The following CNTN5 variants were observed in gnomAD, a reference collection of about 807,000 sequenced individuals.
The protein encoded by CNTN5 is contactin 5.
CNTN5 carries 77 observed loss-of-function variants against 129.1 expected under a neutral mutation model. That is an observed-to-expected ratio of 0.60 (90% CI 0.50 to 0.72). CNTN5 has a LOEUF of 0.72. Among genes scored for constraint, CNTN5 ranks in the 30% least tolerant of loss-of-function variants. The probability of loss-of-function intolerance (pLI) is 0.00; values close to 1 mark genes in which losing one functional copy is unlikely to be tolerated. For synonymous variants in CNTN5, 509 were observed against 465.6 expected (o/e 1.09, Z -1.20); for missense variants, 1,478 against 1,328.8 (o/e 1.11, Z -1.75).
At chr11:99,558,022 G>T (rs1288805703) in intron 3 of CNTN5, among the ~76,000 whole-genome samples, 1 of 151,740 alleles carries the variant, frequency 6.6e-6, no homozygotes, top group Non-Finnish European at 1.5e-5. Context: ...GGTTTAATAA[G>T]AGACATGCAA....
chr11:100,278,849 A>G (rs1230741937), intron 18 of CNTN5, among the ~76,000 whole-genome samples: 1 of 151,878 alleles, frequency 6.6e-6, no homozygotes, highest in African/African-American at 2.4e-5. Context: ...ATGCTGAAAA[A>G]TAGTGGTGAA....
intron 3 of CNTN5, among the ~76,000 whole-genome samples, chr11:99,658,735 A>G (rs937853371): frequency 1.2e-4 from 17 of 145,312 alleles, no homozygotes; most frequent in African/African-American, 4.2e-4. Context: ...ATATATATAT[A>G]AAATTAGCCA....
intron 1 of CNTN5, among the ~76,000 whole-genome samples, chr11:99,266,541 G>C (rs539543551): frequency 1.3e-5 from 2 of 152,052 alleles, no homozygotes; most frequent in Non-Finnish European, 2.9e-5. Context: ...GTTTGAGGCT[G>C]TAGTGAGTAA....
At chr11:99,384,012 G>A (rs1017689302) in intron 2 of CNTN5, among the ~76,000 whole-genome samples, 6 of 152,144 alleles carry the variant, frequency 3.9e-5, no homozygotes, top group South Asian at 2.1e-4. Flanking sequence ...CAAGTTCCAC[G>A]GGTGATAAAA....
intron 1 of CNTN5, among the ~76,000 whole-genome samples, chr11:99,314,138 G>A (rs1865234941): frequency 1.3e-5 from 2 of 151,914 alleles, no homozygotes; most frequent in South Asian, 4.2e-4. Context: ...ATATAATAAT[G>A]ACAGTTTTGA....
At chr11:99,962,566 A>G (rs1950978491) in intron 8 of CNTN5, among the ~76,000 whole-genome samples, 2 of 151,460 alleles carry the variant, frequency 1.3e-5, no homozygotes, top group Non-Finnish European at 2.9e-5. Context: ...ATTGTTGGAC[A>G]TTTGGGTTGG....
intron 3 of CNTN5, among the ~76,000 whole-genome samples, chr11:99,756,875 C>G (rs1244403293): frequency 6.7e-6 from 1 of 148,710 alleles, no homozygotes; most frequent in South Asian, 2.1e-4. Context: ...AATTCTAAAA[C>G]TTAATATAGC....
chr11:100,294,379 A>G (rs927561925), intron 18 of CNTN5, among the ~76,000 whole-genome samples: 2 of 151,706 alleles, frequency 1.3e-5, no homozygotes, highest in African/African-American at 4.8e-5. Context: ...GTTTAAGAGG[A>G]AAAGAGACAT....
At position 100,117,770 on chromosome 11, in the gene CNTN5, A is replaced by T. The variant is rs186973718; in HGVS notation, c.1580+43476A>T. Among the ~76,000 whole-genome samples the T allele has an allele frequency of 2.0e-5, 3 of 151,836 alleles. No homozygotes were observed. In the East Asian group the frequency reaches 5.8e-4, roughly 30 times the overall value. ...GTAAAGAATGGCATTCTATTTCAAC[A>T]CACTATATTTTACTTAACAACTATT... is the stretch of plus-strand genomic sequence containing the variant. On this transcript the variant is annotated intron_variant, in intron 13 of 24. Coordinates refer to ENST00000524871, the MANE Select transcript of CNTN5 (RefSeq NM_014361.4).
chr11:100,178,319 T>G (rs1011402849), intron 13 of CNTN5, among the ~76,000 whole-genome samples: 1 of 152,134 alleles, frequency 6.6e-6, no homozygotes, highest in Non-Finnish European at 1.5e-5. Context: ...TCTCCTCCTT[T>G]GCTCATTTGT....
At chr11:99,154,050 G>A (rs1860209887) in intron 1 of CNTN5, among the ~76,000 whole-genome samples, 1 of 152,100 alleles carries the variant, frequency 6.6e-6, no homozygotes, top group African/African-American at 2.4e-5. Context: ...CCCATCTGCT[G>A]ACGAAAACAC....
chr11:99,800,695 C>CT (rs958535446), intron 3 of CNTN5, among the ~76,000 whole-genome samples: 5 of 152,112 alleles, frequency 3.3e-5, no homozygotes, highest in African/African-American at 7.2e-5. Flanking sequence ...TTCTTTGTCC[C>CT]TTTTTTTACT....
chr11:99,761,667 T>C (rs1339652031), intron 3 of CNTN5, among the ~76,000 whole-genome samples: 1 of 152,092 alleles, frequency 6.6e-6, no homozygotes, highest in East Asian at 1.9e-4. Context: ...TCTATCATTG[T>C]TGGACATTTG....
intron 1 of CNTN5, among the ~76,000 whole-genome samples, chr11:99,293,718 A>G (rs1398645969): frequency 6.6e-6 from 1 of 152,100 alleles, no homozygotes; most frequent in Non-Finnish European, 1.5e-5. Context: ...GGTTGTTCAT[A>G]ATAGTCTCTA....
chr11:99,132,655 T>C (rs969263010), intron 1 of CNTN5, among the ~76,000 whole-genome samples: 2 of 152,016 alleles, frequency 1.3e-5, no homozygotes, highest in African/African-American at 4.8e-5. Flanking sequence ...CCATTCATAA[T>C]TGCCACAAAA....
At chr11:99,972,047 A>G (rs1951273591) in intron 8 of CNTN5, among the ~76,000 whole-genome samples, 1 of 144,448 alleles carries the variant, frequency 6.9e-6, no homozygotes, top group African/African-American at 2.5e-5. Context: ...CAGGAGATTG[A>G]GACCATCCTG....
intron 2 of CNTN5, among the ~76,000 whole-genome samples, chr11:99,463,901 A>G (rs1223574762): frequency 3.9e-5 from 6 of 152,224 alleles, no homozygotes; most frequent in Non-Finnish European, 7.3e-5. Flanking sequence ...TTTTTAAACT[A>G]AAAGAAGATT....
At chr11:99,637,950 A>G (rs1951627278) in intron 3 of CNTN5, among the ~76,000 whole-genome samples, 1 of 151,878 alleles carries the variant, frequency 6.6e-6, no homozygotes, top group Non-Finnish European at 1.5e-5. Context: ...GGTTGTTTTT[A>G]TTTTTGGTTT....
rs115049250 is a variant in CNTN5 at position 100,147,695 on chromosome 11, A to G, written c.1581-43431A>G. 9.9e-3 allele frequency among the ~76,000 whole-genome samples: 1,473 copies of G among 149,062 alleles called. 29 individuals are homozygous for G. Among genetic ancestry groups the G allele is most frequent in the African/African-American group, 0.035 (1,400 of 40,328 alleles). On this transcript the variant is annotated intron_variant, in intron 13 of 24. Transcript: ENST00000524871. ...CTTTCCTTCTATTATATGTCTTCAT[A>G]TTATTCACGACACCCACAGAGAAGA... is the stretch of plus-strand genomic sequence containing the variant.
Sources: gnomAD v4.1 joint callset for allele counts (sites outside exome capture counted in the v4.1 genomes callset) on GRCh38, gnomAD v4.1.1 for gene constraint, MANE v1.5 for transcripts, NCBI Gene and HGNC (gene_info 2026-07-23, HGNC 2026-07-21) for gene names.